NFIB: variants seen among roughly 807,000 people sequenced by gnomAD.
The protein encoded by NFIB is nuclear factor 1 B-type.
A neutral mutation model predicts 61.5 loss-of-function variants in NFIB; 11 were observed. That is an observed-to-expected ratio of 0.18 (90% CI 0.11 to 0.30). The LOEUF (loss-of-function observed/expected upper bound fraction) is 0.30, where lower values mean the gene tolerates loss of function less well. NFIB is among the 10% of genes least tolerant of loss of function. The pLI, the probability that NFIB is intolerant of heterozygous loss-of-function variation, is 1.00. For synonymous variants in NFIB, 260 were observed against 216.5 expected (o/e 1.20, Z -1.76); for missense variants, 471 against 608.9 (o/e 0.77, Z 2.38).
chr9:14,188,849 C>G (rs1404152679), intron 2 of NFIB, among the ~76,000 whole-genome samples: 11 of 152,120 alleles, frequency 7.2e-5, no homozygotes. Flanking sequence ...CATTTTACAA[C>G]AAGGTATGTA....
At chr9:14,496,027 T>C in the NFIB span, among the ~76,000 whole-genome samples, 7,353 of 152,302 alleles carry the variant, frequency 0.048, 213 homozygotes, top group Middle Eastern at 0.085. Context: ...ATAGGGCTGT[T>C]GTGAGATATA....
intron 2 of NFIB, among the ~76,000 whole-genome samples, chr9:14,207,680 G>A (rs2049886554): frequency 6.6e-6 from 1 of 150,676 alleles, no homozygotes; most frequent in Non-Finnish European, 1.5e-5. Flanking sequence ...ACAGGATCAA[G>A]TAATCCCCCT....
chr9:14,369,172 C>T (rs1162860148), intron 1 of NFIB, among the ~76,000 whole-genome samples: 2 of 152,132 alleles, frequency 1.3e-5, no homozygotes, highest in Admixed American at 1.3e-4. Flanking sequence ...AACAGTAACT[C>T]GTCCAAGGTC....
chr9:14,419,028 T>A, the NFIB span, among the ~76,000 whole-genome samples: 1 of 152,058 alleles, frequency 6.6e-6, no homozygotes, highest in South Asian at 2.1e-4. Flanking sequence ...TCTAATGAAT[T>A]TAAATTCCAA....
At chr9:14,228,495 G>A (rs957345361) in intron 2 of NFIB, among the ~76,000 whole-genome samples, 16 of 152,080 alleles carry the variant, frequency 1.1e-4, no homozygotes, top group African/African-American at 3.9e-4. Context: ...ATTCTTAATA[G>A]TAATTCCCAC....
At chr9:14,216,205 A>T (rs1413111486) in intron 2 of NFIB, among the ~76,000 whole-genome samples, 1 of 152,212 alleles carries the variant, frequency 6.6e-6, no homozygotes, top group Non-Finnish European at 1.5e-5. Flanking sequence ...TACTTTCCTA[A>T]AATAAATTTA....
At position 14,146,806 on chromosome 9, in the gene NFIB, T is replaced by G. The variant is rs1009940768; in HGVS notation, c.808A>C (p.Lys270Gln). ...TCTATGGATATAGTTTTGGGTCTTT[T>G]GCTGTTAAAATATGGCAATAGTTAT... ...QRSLSSPPSSKRPKTISIDEN... is the reference protein window; with the variant it reads ...QRSLSSPPSSQRPKTISIDEN... The change falls in exon 6 of 11, where the codon AAA becomes CAA. Residue 270 changes from lysine to glutamine, a missense_variant and splice_region_variant. Coordinates refer to ENST00000380953, the MANE Select transcript of NFIB (RefSeq NM_001190737.2). The G allele has an allele frequency of 1.2e-6, 2 of 1,604,108 alleles. No individual in the cohort carries two copies. Among genetic ancestry groups the G allele is most frequent in the Admixed American group, 1.8e-5 (1 of 56,936 alleles).
chr9:14,527,034 A>C, the NFIB span, among the ~76,000 whole-genome samples: 1 of 152,220 alleles, frequency 6.6e-6, no homozygotes, highest in Non-Finnish European at 1.5e-5. Context: ...AAAATAAATC[A>C]TGGAAAATGA....
chr9:14,113,153 G>A (rs1198546496), intron 9 of NFIB, 72 bp from the exon 10 acceptor site: 5 of 1,335,818 alleles, frequency 3.7e-6, no homozygotes, highest in Non-Finnish European at 5.0e-6. Context: ...CCATGTATAA[G>A]AAACCCAGAG....
intron 10 of NFIB, among the ~76,000 whole-genome samples, chr9:14,096,190 A>G (rs2034759466): frequency 6.6e-6 from 1 of 152,290 alleles, no homozygotes; most frequent in South Asian, 2.1e-4. Context: ...CACTTTACAT[A>G]AAACATATTC....
chr9:14,364,545 T>A (rs1253719185), intron 1 of NFIB, among the ~76,000 whole-genome samples: 1 of 152,236 alleles, frequency 6.6e-6, no homozygotes, highest in Non-Finnish European at 1.5e-5. Flanking sequence ...GGGTCCTTAC[T>A]TTTTAATATA....
intron 6 of NFIB, among the ~76,000 whole-genome samples, chr9:14,132,115 T>A (rs191532731): frequency 1.6e-4 from 25 of 152,290 alleles, no homozygotes; most frequent in Admixed American, 1.2e-3. Context: ...CACGCAAGAA[T>A]TCTTGAATTT....
chr9:14,327,931 A>C (rs2060774583), intron 1 of NFIB, among the ~76,000 whole-genome samples: 1 of 152,238 alleles, frequency 6.6e-6, no homozygotes, highest in African/African-American at 2.4e-5. Context: ...TGTAAACAGA[A>C]GAAGAGAGAA....
At chr9:14,375,184 T>C (rs1325618642) in intron 1 of NFIB, among the ~76,000 whole-genome samples, 6 of 152,318 alleles carry the variant, frequency 3.9e-5, no homozygotes, top group Non-Finnish European at 7.3e-5. Flanking sequence ...GCTCATATAG[T>C]GGTTCCTCAG....
At chr9:14,186,292 C>A (rs531791711) in intron 2 of NFIB, among the ~76,000 whole-genome samples, 1 of 152,218 alleles carries the variant, frequency 6.6e-6, no homozygotes, top group South Asian at 2.1e-4. Flanking sequence ...ACTTAGTCAT[C>A]CTGTGATAAA....
the NFIB span, among the ~76,000 whole-genome samples, chr9:14,526,195 GA>G: frequency 4.6e-5 from 7 of 150,574 alleles, no homozygotes; most frequent in African/African-American, 1.7e-4. Flanking sequence ...TGAGAAGTTA[GA>G]AAAAAAAAGC....
At chr9:14,255,077 G>T (rs545822518) in intron 2 of NFIB, among the ~76,000 whole-genome samples, 1 of 152,172 alleles carries the variant, frequency 6.6e-6, no homozygotes, top group Admixed American at 6.5e-5. Context: ...AATAAAAATA[G>T]CCAGGTGTGG....
At chr9:14,472,182 C>T in the NFIB span, among the ~76,000 whole-genome samples, 1 of 152,196 alleles carries the variant, frequency 6.6e-6, no homozygotes, top group Non-Finnish European at 1.5e-5. Context: ...AATTTTAACA[C>T]AGTATCTTTC....
chr9:14,178,814 G>T lies in NFIB; in HGVS notation c.616+913C>A, dbSNP rs138818868. On this transcript the variant is annotated intron_variant, in intron 3 of 10. Transcript: ENST00000380953. ...AGCACGACTTCAAGGAAGATCAAAC[G>T]ATGGAGGACCTAAAAACTAAGTCTA... Among the ~76,000 whole-genome samples the T allele has an allele frequency of 2.1e-3, 321 of 152,204 alleles. 3 individuals are homozygous for T. The highest frequency in any genetic ancestry group is 7.4e-3 in the African/African-American group (307 of 41,540).
Sources: gnomAD v4.1 joint callset for allele counts (sites outside exome capture counted in the v4.1 genomes callset) on GRCh38, gnomAD v4.1.1 for gene constraint, MANE v1.5 for transcripts, NCBI Gene and HGNC (gene_info 2026-07-23, HGNC 2026-07-21) for gene names.